Variants in SHC4 observed in about 807,000 individuals in gnomAD.
SHC4 encodes SHC-transforming protein 4.
Under a neutral mutation model 69.4 loss-of-function variants are expected in SHC4, and 41 were observed. That is an observed-to-expected ratio of 0.59 (90% CI 0.46 to 0.77). SHC4 has a LOEUF of 0.77. Ranked by LOEUF, SHC4 falls within the 30% of genes least tolerant of loss-of-function variation. The pLI is 0.00. For missense variants in SHC4, 777 were observed against 783.8 expected (o/e 0.99, Z 0.10); for synonymous variants, 318 against 299.3 (o/e 1.06, Z -0.64).
intron 1 of SHC4, among the ~76,000 whole-genome samples, chr15:48,950,224 TA>T (rs1442491401): frequency 4.8e-5 from 7 of 146,340 alleles, no homozygotes; most frequent in African/African-American, 1.7e-4. Flanking sequence ...TTATTATATA[TA>T]AAATTTATAT....
Position 48,962,777 on chromosome 15 carries a change from G to A in SHC4, c.239C>T (p.Pro80Leu), listed in dbSNP as rs144103856. The part of the protein sequence containing the change: ...EDATLPSQES[P>L]TPLCTLIPRM... ...GGGGATCAAGGTGCACAGTGGGGTG[G>A]GGCTCTCCTGCGACGGCAAGGTGGC... The change falls in exon 1 of 12, where the codon CCC (proline) becomes CTC (leucine). Residue 80 changes from proline to leucine, a missense_variant. By Grantham distance (98) the Pro-to-Leu change is moderately conservative. Coordinates refer to ENST00000332408, the MANE Select transcript of SHC4 (RefSeq NM_203349.4). 222 of 1,612,724 alleles carry A rather than the reference G, an allele frequency of 1.4e-4. No individual in the cohort carries two copies. In the African/African-American group the frequency reaches 2.7e-3, roughly 20 times the overall value.
chr15:48,840,050 C>T (rs1898964101), intron 10 of SHC4, among the ~76,000 whole-genome samples: 1 of 152,150 alleles, frequency 6.6e-6, no homozygotes, highest in African/African-American at 2.4e-5. Flanking sequence ...TATATGTGCT[C>T]CTCTTGCTTT....
rs1450543211 is a variant in SHC4 at position 48,851,180 on chromosome 15, G to T, written c.1303+8C>A. ...AGGGTGGCAGATGGAGAAGGGCATT[G>T]TACCTACCTATTGCCCTGCTTTGTT... On this transcript the variant is annotated splice_region_variant and intron_variant, in intron 9 of 11. Coordinates refer to ENST00000332408, the MANE Select transcript of SHC4 (RefSeq NM_203349.4). 1.2e-6 allele frequency: 2 copies of T among 1,613,326 alleles called. No homozygotes were observed. Among genetic ancestry groups the T allele is most frequent in the Non-Finnish European group, 1.7e-6 (2 of 1,179,500 alleles).
chr15:48,872,473 T>C (rs1221109315), intron 4 of SHC4, among the ~76,000 whole-genome samples: 3 of 152,204 alleles, frequency 2.0e-5, no homozygotes, highest in African/African-American at 7.2e-5. Flanking sequence ...CATCTCTCTC[T>C]GCCATTAAAA....
At chr15:48,827,101 T>C (rs1429139173) in intron 11 of SHC4, among the ~76,000 whole-genome samples, 1 of 152,166 alleles carries the variant, frequency 6.6e-6, no homozygotes, top group East Asian at 1.9e-4. Flanking sequence ...TGCTCCTGTT[T>C]GGAGGGTGGC....
chr15:48,849,681 C>T (rs572177183), intron 9 of SHC4, among the ~76,000 whole-genome samples: 3 of 152,238 alleles, frequency 2.0e-5, no homozygotes, highest in African/African-American at 2.4e-5. Context: ...ATGCGTGGTA[C>T]GTTCCTGACT....
At chr15:48,905,219 T>A (rs895880688) in intron 2 of SHC4, among the ~76,000 whole-genome samples, 7 of 152,328 alleles carry the variant, frequency 4.6e-5, no homozygotes, top group Non-Finnish European at 1.0e-4. Context: ...CGATAAATTA[T>A]TATCAACCCA....
At chr15:48,956,455 T>C (rs1901455461) in intron 1 of SHC4, among the ~76,000 whole-genome samples, 1 of 152,172 alleles carries the variant, frequency 6.6e-6, no homozygotes, top group East Asian at 1.9e-4. Flanking sequence ...AGAGATGGCT[T>C]AATTTCTGTC....
chr15:48,880,738 ATACT>A (rs370758468), intron 4 of SHC4, among the ~76,000 whole-genome samples: 12 of 152,110 alleles, frequency 7.9e-5, no homozygotes, highest in Non-Finnish European at 1.6e-4. Flanking sequence ...AAAATTGTAA[ATACT>A]TACTTGTATT....
intron 4 of SHC4, chr15:48,878,573 A>C (rs781603165): frequency 2.5e-6 from 4 of 1,614,058 alleles, no homozygotes; most frequent in South Asian, 2.2e-5. Flanking sequence ...AGAAGCCGAC[A>C]AGATGTTTCT....
intron 9 of SHC4, among the ~76,000 whole-genome samples, chr15:48,848,445 T>C (rs184951717): frequency 5.3e-5 from 8 of 152,324 alleles, no homozygotes; most frequent in Non-Finnish European, 8.8e-5. Context: ...GAGTATCCAA[T>C]AGAACTTTCT....
chr15:48,879,181 T>C (rs1192352370), intron 4 of SHC4: 2 of 170,556 alleles, frequency 1.2e-5, no homozygotes, highest in African/African-American at 4.8e-5. Context: ...TTTTGAGTTA[T>C]TTGGACTGAA....
chr15:48,855,252 C>T (rs1899288405), intron 8 of SHC4, among the ~76,000 whole-genome samples: 1 of 151,820 alleles, frequency 6.6e-6, no homozygotes, highest in Admixed American at 6.6e-5. Context: ...ATAAAAATAA[C>T]AACAACAAAA....
intron 11 of SHC4, 55 bp downstream of exon 11, chr15:48,834,714 G>T: frequency 6.3e-7 from 1 of 1,594,508 alleles, no homozygotes; most frequent in Non-Finnish European, 8.6e-7. Flanking sequence ...AATCATTCAG[G>T]GTATGCTTAA....
At chr15:48,873,819 C>A (rs1899742688) in intron 4 of SHC4, among the ~76,000 whole-genome samples, 1 of 151,378 alleles carries the variant, frequency 6.6e-6, no homozygotes, top group Admixed American at 6.6e-5. Flanking sequence ...TACTTTAGTA[C>A]AAAACTAATA....
chr15:48,860,991 C>T (rs1317014789), intron 6 of SHC4, among the ~76,000 whole-genome samples: 1 of 152,240 alleles, frequency 6.6e-6, no homozygotes, highest in Non-Finnish European at 1.5e-5. Flanking sequence ...CAGCCTCTAA[C>T]GCTTCTGGCG....
chr15:48,875,355 T>A (rs2140996111), intron 4 of SHC4, among the ~76,000 whole-genome samples: 1 of 152,378 alleles, frequency 6.6e-6, no homozygotes, highest in Middle Eastern at 3.4e-3. Flanking sequence ...GTGTTTGCAC[T>A]GAGAGCATCA....
At chr15:48,885,894 A>C (rs199764181) in intron 3 of SHC4, among the ~76,000 whole-genome samples, 1 of 152,216 alleles carries the variant, frequency 6.6e-6, no homozygotes, top group South Asian at 2.1e-4. Flanking sequence ...TTGTGTTCCC[A>C]CAGTGATTTT....
chr15:48,956,630 T>C (rs916541643), intron 1 of SHC4, among the ~76,000 whole-genome samples: 1 of 152,076 alleles, frequency 6.6e-6, no homozygotes, highest in African/African-American at 2.4e-5. Flanking sequence ...AATTCTACTC[T>C]TGGATGCTGT....
Sources: gnomAD v4.1 joint callset for allele counts (sites outside exome capture counted in the v4.1 genomes callset) on GRCh38, gnomAD v4.1.1 for gene constraint, MANE v1.5 for transcripts, NCBI Gene and HGNC (gene_info 2026-07-23, HGNC 2026-07-21) for gene names.